Variants in SH3BP5 observed in about 807,000 individuals in gnomAD.
SH3BP5 encodes SH3 domain-binding protein 5.
In SH3BP5, 22 loss-of-function variants were observed where a neutral mutation model predicts 43.3. That is an observed-to-expected ratio of 0.51 (90% CI 0.36 to 0.73). The LOEUF (loss-of-function observed/expected upper bound fraction) is 0.73, where lower values mean the gene tolerates loss of function less well. Ranked by LOEUF, SH3BP5 falls within the 30% of genes least tolerant of loss-of-function variation. SH3BP5 has a pLI of 0.00. For synonymous variants in SH3BP5, 255 were observed against 225.8 expected (o/e 1.13, Z -1.16); for missense variants, 529 against 586.9 (o/e 0.90, Z 1.02).
At chr3:15,304,384 C>A in intron 2 of SH3BP5, 153 bp from the exon 3 acceptor site, 1 of 1,180,458 alleles carries the variant, frequency 8.5e-7, no homozygotes, top group South Asian at 1.3e-5. Context: ...TAGAGCAGCA[C>A]CGCCCAAAAC....
chr3:15,260,048 AC>A, intron 5 of SH3BP5: 1 of 551,714 alleles, frequency 1.8e-6, no homozygotes, highest in East Asian at 3.2e-5. Context: ...GACACGGGGA[AC>A]CCACACACAC....
upstream of SH3BP5, among the ~76,000 whole-genome samples, chr3:15,337,180 G>C (rs762113787): frequency 6.7e-6 from 1 of 150,330 alleles, no homozygotes; most frequent in Non-Finnish European, 1.5e-5. Flanking sequence ...CGCCTCCTGG[G>C]TTCAAGCTAT....
Position 15,256,680 on chromosome 3 carries a change from C to T in SH3BP5, c.1150+173G>A, listed in dbSNP as rs192948326. 3.3e-4 allele frequency: 247 copies of T among 752,778 alleles called. 1 individual carries two copies. The highest frequency in any genetic ancestry group is 2.6e-3 in the African/African-American group (147 of 56,556). The allele number at this position is 752,778 out of a possible 1,614,324, so 46.6% of individuals were successfully genotyped here. On this transcript the variant is annotated intron_variant, in intron 8 of 8. Transcript: ENST00000383791. ...AGAAGCTGAGTGGAGCCAGGAGCCC[C>T]CCCAGAACAGCACTTGGAAACAACC...
intron 3 of SH3BP5, among the ~76,000 whole-genome samples, chr3:15,296,330 G>C (rs557354623): frequency 2.8e-5 from 4 of 140,830 alleles, no homozygotes; most frequent in Non-Finnish European, 5.9e-5. Flanking sequence ...ACCTCAAATG[G>C]GGAAATCATA....
chr3:15,277,946 G>A (rs1697017249), intron 3 of SH3BP5, among the ~76,000 whole-genome samples: 1 of 152,158 alleles, frequency 6.6e-6, no homozygotes, highest in African/African-American at 2.4e-5. Flanking sequence ...CCAGCCCAGG[G>A]CGAAGCAGGC....
At chr3:15,278,093 G>A (rs535180973) in intron 3 of SH3BP5, among the ~76,000 whole-genome samples, 312 of 152,316 alleles carry the variant, frequency 2.0e-3, no homozygotes, top group African/African-American at 7.1e-3. Context: ...CACAGGGCCC[G>A]GGGCAAGGCC....
intron 2 of SH3BP5, among the ~76,000 whole-genome samples, chr3:15,323,418 CTGTT>C (rs1404398376): frequency 2.0e-5 from 3 of 152,200 alleles, no homozygotes; most frequent in Non-Finnish European, 4.4e-5. Context: ...GGAACCTTCT[CTGTT>C]TGCAGCGCCC....
At chr3:15,327,541 C>A (rs1395530176) in intron 2 of SH3BP5, among the ~76,000 whole-genome samples, 1 of 152,262 alleles carries the variant, frequency 6.6e-6, no homozygotes, top group Non-Finnish European at 1.5e-5. Context: ...CCCCTGCAGG[C>A]ATCTGCTCAG....
At chr3:15,290,694 G>A (rs569894944) in intron 3 of SH3BP5, among the ~76,000 whole-genome samples, 3 of 152,080 alleles carry the variant, frequency 2.0e-5, no homozygotes, top group East Asian at 3.9e-4. Context: ...GCAAGACTCC[G>A]TCTCAAAAAT....
rs570635864 is a variant in SH3BP5, at chr3:15,266,237, C to T, written c.495+3476G>A. Among the ~76,000 whole-genome samples, 17 of 152,326 alleles carry T rather than the reference C, an allele frequency of 1.1e-4. No homozygotes were observed. The South Asian group carries it at 3.3e-3, about 30-fold the overall frequency. ...CCTTGGGCAATGAGACCTAAGAAGG[C>T]GCTTCTTCCCACTGTGTGGAAGGGA... On this transcript the variant is annotated intron_variant, in intron 4 of 8. Coordinates refer to ENST00000383791, the MANE Select transcript of SH3BP5 (RefSeq NM_004844.5).
intron 3 of SH3BP5, among the ~76,000 whole-genome samples, chr3:15,297,973 CTTT>C (rs57568903): frequency 0.082 from 10,986 of 134,778 alleles, 1,412 homozygotes; most frequent in African/African-American, 0.27. Flanking sequence ...TTTTCTTTTT[CTTT>C]TTTTTTTTTT....
intron 3 of SH3BP5, among the ~76,000 whole-genome samples, chr3:15,295,656 G>A (rs529543613): frequency 7.2e-5 from 11 of 152,294 alleles, no homozygotes; most frequent in East Asian, 3.9e-4. Context: ...TCAACAAAAC[G>A]ACACATGCAG....
upstream of SH3BP5, chr3:15,333,042 C>G: frequency 2.0e-6 from 2 of 975,704 alleles, no homozygotes; most frequent in Non-Finnish European, 2.4e-6. Flanking sequence ...GCTGCGGCCT[C>G]TCTGGGCGAG....
At chr3:15,262,085 T>G in intron 5 of SH3BP5, 74 bp downstream of exon 5, 1 of 1,571,742 alleles carries the variant, frequency 6.4e-7, no homozygotes, top group Non-Finnish European at 8.7e-7. Flanking sequence ...CTTGAGTGTG[T>G]GACATACAAA....
intron 1 of SH3BP5, among the ~76,000 whole-genome samples, chr3:15,338,229 A>G (rs1251516956): frequency 2.0e-5 from 3 of 152,048 alleles, no homozygotes; most frequent in Non-Finnish European, 4.4e-5. Context: ...TGTAGTCCTA[A>G]CTACTCCAGA....
intron 3 of SH3BP5, among the ~76,000 whole-genome samples, chr3:15,294,758 T>C (rs969095096): frequency 2.6e-5 from 4 of 152,084 alleles, no homozygotes; most frequent in Non-Finnish European, 4.4e-5. Flanking sequence ...CATCAATTTC[T>C]CAAACACAAC....
chr3:15,256,391 T>C (rs1403561531), intron 8 of SH3BP5, 88 bp from the exon 9 acceptor site: 4 of 1,392,528 alleles, frequency 2.9e-6, no homozygotes, highest in East Asian at 2.3e-5. Flanking sequence ...AAAGTGAGTA[T>C]TGACAATTCT....
At chr3:15,318,856 G>A (rs1247269564) in intron 2 of SH3BP5, among the ~76,000 whole-genome samples, 2 of 152,244 alleles carry the variant, frequency 1.3e-5, no homozygotes, top group Non-Finnish European at 2.9e-5. Flanking sequence ...ATGGGCGTGA[G>A]CCACTGCGCC....
In SH3BP5 at chr3:15,258,904, A is replaced by G; in HGVS notation, c.816T>C (p.Gly272=). The change falls in exon 7 of 9, where the codon GGT becomes GGC. Residue 272 remains glycine (G), a synonymous_variant. Transcript: ENST00000383791. ...RSSAMGPRGC[G]VGAEGSSTSV... ...ATGTGCTGCTGCCCTCAGCACCAACACCGCATCCCCGAGGCCCCATGGCAC... is the reference window on the plus strand; with the variant it reads ...ATGTGCTGCTGCCCTCAGCACCAACGCCGCATCCCCGAGGCCCCATGGCAC... 3.1e-6 allele frequency: 5 copies of G among 1,614,194 alleles called. No homozygotes were observed. The highest frequency in any genetic ancestry group is 4.2e-6 in the Non-Finnish European group (5 of 1,180,022).
Sources: allele counts gnomAD v4.1 joint callset (sites outside exome capture counted in the v4.1 genomes callset), GRCh38; gene constraint gnomAD v4.1.1; transcripts MANE v1.5; gene names NCBI Gene and HGNC (gene_info 2026-07-23, HGNC 2026-07-21).